DAGLA: variants seen among roughly 807,000 people sequenced by gnomAD.
The protein encoded by DAGLA is diacylglycerol lipase alpha.
In DAGLA, 22 loss-of-function variants were observed where a neutral mutation model predicts 102.6. The ratio of observed to expected loss-of-function variants is 0.21; its 90% confidence interval spans 0.15 to 0.31. The LOEUF (loss-of-function observed/expected upper bound fraction) is 0.31, where lower values mean the gene tolerates loss of function less well. Among genes scored for constraint, DAGLA ranks in the 10% least tolerant of loss-of-function variants. The pLI is 1.00. For missense variants in DAGLA, 927 were observed against 1,446.6 expected, an observed-to-expected ratio of 0.64 and a Z score of 5.83; for synonymous variants, 578 against 628.9, an observed-to-expected ratio of 0.92 and a Z score of 1.21.
At position 61,736,325 on chromosome 11, in the gene DAGLA, TG is replaced by T; in HGVS notation, c.1347del (p.Ser450ProfsTer17). On this transcript the variant is annotated frameshift_variant, in exon 13 of 20. Transcript: ENST00000257215. LOFTEE classifies it high-confidence loss of function. ...AAGAAACTGGAGCAGGAGATGGTCC[TG>T]TCCCAGGCCTTTGGGCGAGACCTGG... The part of the protein sequence containing the change: ...IKKKLEQEMV[L>X]SQAFGRDLGR... 1 of 1,614,130 alleles carries T rather than the reference TG, an allele frequency of 6.2e-7. No individual in the cohort carries two copies.
At chr11:61,700,407 C>G (rs2065100506) in intron 1 of DAGLA, among the ~76,000 whole-genome samples, 1 of 152,042 alleles carries the variant, frequency 6.6e-6, no homozygotes, top group Non-Finnish European at 1.5e-5. Context: ...GCCCCAGGAA[C>G]TTGAACTTGG....
In DAGLA at chr11:61,744,351, G is replaced by C; in HGVS notation, c.2991G>C (p.Ser997=). The change falls in exon 20 of 20, where the codon TCG becomes TCC. Residue 997 remains serine, a synonymous_variant. Coordinates refer to ENST00000257215, the MANE Select transcript of DAGLA (RefSeq NM_006133.3). The stretch of plus-strand genomic sequence containing the variant: ...CGCCCTCCTTCCCGCTCAGCTCCTC[G>C]GGTGAGCTCATGGACCTGACGCCCA... The part of the protein sequence containing the change: ...SLSPSFPLSS[S]GELMDLTPTG... 1.2e-6 allele frequency: 2 copies of C among 1,612,496 alleles called. No individual in the cohort carries two copies. The highest frequency in any genetic ancestry group is 1.7e-6 in the Non-Finnish European group (2 of 1,179,728).
intron 1 of DAGLA, among the ~76,000 whole-genome samples, chr11:61,683,164 C>G (rs886083830): frequency 6.6e-6 from 1 of 152,244 alleles, no homozygotes; most frequent in African/African-American, 2.4e-5. Context: ...AGCCAGCAAC[C>G]TGTTTCACAT....
intron 1 of DAGLA, among the ~76,000 whole-genome samples, chr11:61,692,046 A>G (rs1237060726): frequency 6.6e-6 from 1 of 152,120 alleles, no homozygotes; most frequent in Non-Finnish European, 1.5e-5. Flanking sequence ...AACTCCCAAT[A>G]ATGCTGCTGC....
chr11:61,741,835 C>A (rs549510864), intron 19 of DAGLA, among the ~76,000 whole-genome samples: 2 of 152,224 alleles, frequency 1.3e-5, no homozygotes, highest in South Asian at 4.1e-4. Flanking sequence ...TGGTCTTGAA[C>A]TCCTGACCTC....
intron 19 of DAGLA, 86 bp downstream of exon 19, chr11:61,741,435 C>T: frequency 7.0e-7 from 1 of 1,424,124 alleles, no homozygotes; most frequent in Non-Finnish European, 9.5e-7. Flanking sequence ...TTTGTGCATG[C>T]ACTGGGCTCA....
chr11:61,733,624 C>T (rs7930257), intron 9 of DAGLA, among the ~76,000 whole-genome samples: 1 of 152,190 alleles, frequency 6.6e-6, no homozygotes, highest in African/African-American at 2.4e-5. Flanking sequence ...CCTGAGGTGC[C>T]GCTGCACCTA....
intron 1 of DAGLA, among the ~76,000 whole-genome samples, chr11:61,689,823 T>C: frequency 6.6e-6 from 1 of 152,180 alleles, no homozygotes; most frequent in African/African-American, 2.4e-5. Context: ...ACTGCTTCTA[T>C]CCACTGCCTT....
rs1038252760 is a variant in DAGLA at position 61,703,676 on chromosome 11, G to T, written c.-44-16436G>T. Reference sequence around the variant, plus strand: ...GGTGAGTGGGTAGATGGAGGATGGAGGAATGGATGGATGGATGGATGGATG... The same window carrying T: ...GGTGAGTGGGTAGATGGAGGATGGATGAATGGATGGATGGATGGATGGATG... On this transcript the variant is annotated intron_variant, in intron 1 of 19. Transcript: ENST00000257215. Among the ~76,000 whole-genome samples the T allele has an allele frequency of 5.4e-3, 376 of 69,226 alleles. 2 individuals are homozygous for T. Among genetic ancestry groups the T allele is most frequent in the African/African-American group, 0.017 (354 of 20,818 alleles). The allele number at this position is 69,226 out of a possible 152,430, so 45.4% of individuals were successfully genotyped here.
At chr11:61,724,365 C>G (rs572322341) in intron 5 of DAGLA, among the ~76,000 whole-genome samples, 1 of 152,202 alleles carries the variant, frequency 6.6e-6, no homozygotes, top group Non-Finnish European at 1.5e-5. Flanking sequence ...AAGCCCTTTA[C>G]GCAATTCATC....
chr11:61,683,322 C>T (rs1427821851), intron 1 of DAGLA, among the ~76,000 whole-genome samples: 2 of 152,218 alleles, frequency 1.3e-5, no homozygotes, highest in Non-Finnish European at 2.9e-5. Flanking sequence ...AGCTGCCACG[C>T]AGACACTGTC....
At position 61,744,047 on chromosome 11, in the gene DAGLA, C is replaced by A; in HGVS notation, c.2687C>A (p.Ala896Glu). The A allele has an allele frequency of 6.2e-7, 1 of 1,612,608 alleles. No individual in the cohort carries two copies. The highest frequency in any genetic ancestry group is 8.5e-7 in the Non-Finnish European group (1 of 1,179,888). The change falls in exon 20 of 20, where the codon GCG (alanine) becomes GAG (glutamate). Residue 896 changes from alanine to glutamate, a missense_variant. By Grantham distance (107) the Ala-to-Glu change is moderately radical. Coordinates refer to ENST00000257215, the MANE Select transcript of DAGLA (RefSeq NM_006133.3). ...GGGCCGGCCTCCCGCGGGGAGCTGG[C>A]GCTGCACAATGGGCGCCTGGGGGAC... Reference protein sequence around the residue: ...GGGPASRGELALHNGRLGDSP... With the variant: ...GGGPASRGELELHNGRLGDSP...
chr11:61,736,853 CAT>C (rs2065427125), intron 13 of DAGLA, among the ~76,000 whole-genome samples: 1 of 152,164 alleles, frequency 6.6e-6, no homozygotes. Context: ...CAGGTAACCA[CAT>C]GTTTATAGTG....
chr11:61,737,267 G>A lies in DAGLA; in HGVS notation c.1457G>A (p.Arg486His), dbSNP rs755291866. Residue 486 changes from arginine to histidine, a missense_variant, in exon 14 of 20, where the codon CGC becomes CAC. By Grantham distance (29) the Arg-to-His change is conservative (BLOSUM62 0). Transcript: ENST00000257215. ...GCTGCCATCCTCTCCTTCCTTCTGC[G>A]CCCACAGTATCCGACCCTCAAGTGC... ...GTAAILSFLLRPQYPTLKCFA... is the reference protein window; with the variant it reads ...GTAAILSFLLHPQYPTLKCFA... 13 of 1,612,838 alleles carry A rather than the reference G, an allele frequency of 8.1e-6. No homozygotes were observed. The highest frequency in any genetic ancestry group is 3.3e-5 in the South Asian group (3 of 91,086).
chr11:61,709,790 T>C (rs1296157349), intron 1 of DAGLA, among the ~76,000 whole-genome samples: 1 of 152,014 alleles, frequency 6.6e-6, no homozygotes, highest in Non-Finnish European at 1.5e-5. Flanking sequence ...GAGCTCCTGT[T>C]ACGAAGTCAC....
At chr11:61,707,957 T>C (rs1295089830) in intron 1 of DAGLA, among the ~76,000 whole-genome samples, 1 of 152,044 alleles carries the variant, frequency 6.6e-6, no homozygotes, top group East Asian at 1.9e-4. Context: ...CATTTAGGAG[T>C]CATAATAGGC....
In DAGLA at chr11:61,686,487, A is replaced by G. The variant is rs529190156; in HGVS notation, c.-45+5983A>G. On this transcript the variant is annotated intron_variant, in intron 1 of 19. Coordinates refer to ENST00000257215, the MANE Select transcript of DAGLA (RefSeq NM_006133.3). The surrounding 1 kb of genome is among the most constrained non-coding windows in gnomAD (Gnocchi z 5.2). ...AATTTCGCCTGCCTGAGTTCAGCCC[A>G]GGAGGTTACTATTCTGGGAAGTTTC... is the stretch of plus-strand genomic sequence containing the variant. Among the ~76,000 whole-genome samples, 4 of 152,344 alleles carry G rather than the reference A, an allele frequency of 2.6e-5. No individual in the cohort carries two copies. The highest frequency in any genetic ancestry group is 9.6e-5 in the African/African-American group (4 of 41,564).
At chr11:61,702,031 T>G (rs58217294) in intron 1 of DAGLA, among the ~76,000 whole-genome samples, 1 of 152,028 alleles carries the variant, frequency 6.6e-6, no homozygotes, top group Non-Finnish European at 1.5e-5. Flanking sequence ...CTGCGTCAGC[T>G]GCCTGAGTAG....
chr11:61,701,290 C>G (rs2065108671), intron 1 of DAGLA, among the ~76,000 whole-genome samples: 1 of 152,230 alleles, frequency 6.6e-6, no homozygotes, highest in Non-Finnish European at 1.5e-5. Flanking sequence ...TACCAAGGCC[C>G]CAGAAGAGCA....
Sources: gnomAD v4.1 joint callset for allele counts (sites outside exome capture counted in the v4.1 genomes callset) on GRCh38, gnomAD v4.1.1 for gene constraint, Gnocchi (gnomAD v3.1) non-coding constraint, MANE v1.5 for transcripts, NCBI Gene and HGNC (gene_info 2026-07-23, HGNC 2026-07-21) for gene names.